Variants in MTFR1L observed in about 807,000 individuals in gnomAD.
MTFR1L encodes the protein mitochondrial fission regulator 1-like.
MTFR1L carries 10 observed loss-of-function variants against 27.9 expected under a neutral mutation model. That is an observed-to-expected ratio of 0.36 (90% CI 0.22 to 0.61). The LOEUF is 0.61. MTFR1L is among the 20% of genes least tolerant of loss of function. The pLI, the probability that MTFR1L is intolerant of heterozygous loss-of-function variation, is 0.73. For missense variants in MTFR1L, 315 were observed against 363.7 expected (o/e 0.87, Z 1.09); for synonymous variants, 151 against 139.4 (o/e 1.08, Z -0.58).
intron 3 of MTFR1L, among the ~76,000 whole-genome samples, chr1:25,824,401 A>G (rs2048141185): frequency 1.3e-5 from 2 of 152,194 alleles, no homozygotes; most frequent in South Asian, 4.1e-4. Context: ...TCTAGGAACT[A>G]AATGGTTAAG....
intron 5 of MTFR1L, among the ~76,000 whole-genome samples, 180 bp downstream of exon 5, chr1:25,827,006 T>C (rs898848060): frequency 1.3e-5 from 2 of 152,200 alleles, no homozygotes; most frequent in African/African-American, 4.8e-5. Context: ...CTACCAGCCA[T>C]TTTGGGCTGA....
intron 5 of MTFR1L, among the ~76,000 whole-genome samples, chr1:25,827,915 T>C (rs867810579): frequency 6.6e-6 from 1 of 150,580 alleles, no homozygotes; most frequent in Non-Finnish European, 1.5e-5. Flanking sequence ...TTAGTAGAGA[T>C]AGGGTTTCGC....
intron 1 of MTFR1L, chr1:25,820,887 C>G (rs767203068): frequency 7.4e-5 from 27 of 366,046 alleles, no homozygotes; most frequent in Non-Finnish European, 1.2e-4. Context: ...GCGGAGCGCA[C>G]AGGAAAGGAC....
chr1:25,820,640 G>A (rs778253621), intron 1 of MTFR1L: 2 of 415,026 alleles, frequency 4.8e-6, no homozygotes, highest in South Asian at 3.4e-5. Flanking sequence ...GCAGCCTCCG[G>A]AGGGCTGCGG....
intron 6 of MTFR1L, among the ~76,000 whole-genome samples, chr1:25,831,322 G>A (rs2048237177): frequency 6.6e-6 from 1 of 152,150 alleles, no homozygotes; most frequent in Non-Finnish European, 1.5e-5. Flanking sequence ...CCTCTTATAT[G>A]ATGTATCAGA....
chr1:25,823,678 C>T lies in MTFR1L; in HGVS notation c.59C>T (p.Ala20Val). The T allele has an allele frequency of 6.2e-7, 1 of 1,614,040 alleles. No homozygotes were observed. Among genetic ancestry groups the T allele is most frequent in the East Asian group, 2.2e-5 (1 of 44,866 alleles). Residue 20 changes from alanine (A) to valine (V), a missense_variant, in exon 3 of 7, where the codon GCT (alanine) becomes GTT (valine). Ala to Val is a moderately conservative substitution (Grantham distance 64, BLOSUM62 0). Transcript: ENST00000374303. ...IPIWQNKPHG[A>V]ARSVVRRIGT... ...ATCTGGCAAAACAAGCCACATGGGG[C>T]TGCTCGAAGTGTAGTAAGAAGAATT...
rs551001632 is a variant in MTFR1L at position 25,831,731 on chromosome 1, G to C, written c.774-190G>C. On this transcript the variant is annotated intron_variant, in intron 6 of 6. Transcript: ENST00000374303. ...TGAACTCTGGATTCACCGCTTACTT[G>C]CTGAGTGACTAGTGACCTTGGGCAA... Among the ~76,000 whole-genome samples, 4 of 152,362 alleles carry C rather than the reference G, an allele frequency of 2.6e-5. No homozygotes were observed. In the South Asian group the frequency reaches 6.2e-4, roughly 24 times the overall value.
In MTFR1L at chr1:25,823,864, A is replaced by G. The variant is rs143301802; in HGVS notation, c.129+116A>G. ...CCTGGTCACTTTTCATTCTGTTATG[A>G]AATATTTGTTAAATGCTTATAAGAT... On this transcript the variant is annotated intron_variant, in intron 3 of 6. Transcript: ENST00000374303. 2.4e-3 allele frequency: 3,050 copies of G among 1,289,238 alleles called. 35 individuals are homozygous for G. Among genetic ancestry groups the G allele is most frequent in the African/African-American group, 0.023 (1,560 of 66,432 alleles). 79.9% of individuals were successfully genotyped at this position (1,289,238 alleles called of 1,614,324 possible).
Position 25,828,428 on chromosome 1 carries a change from C to A in MTFR1L, c.452-1081C>A, listed in dbSNP as rs142700259. The stretch of plus-strand genomic sequence containing the variant: ...TGAAACCCTGTCTCTATAAAAAATA[C>A]AAAAATTAGCTGGGCATCGCAGCAT... On this transcript the variant is annotated intron_variant, in intron 5 of 6. Coordinates refer to ENST00000374303, the MANE Select transcript of MTFR1L (RefSeq NM_001099625.2). 5.6e-4 allele frequency among the ~76,000 whole-genome samples: 85 copies of A among 152,168 alleles called. 1 individual carries two copies. The East Asian group carries it at 0.016, about 28-fold the overall frequency.
At chr1:25,827,206 T>C (rs1028385193) in intron 5 of MTFR1L, among the ~76,000 whole-genome samples, 2 of 151,986 alleles carry the variant, frequency 1.3e-5, no homozygotes, top group African/African-American at 2.4e-5. Flanking sequence ...GGCACGATCT[T>C]AGTTCACTGC....
At chr1:25,821,195 A>G (rs1032818293) in intron 1 of MTFR1L, among the ~76,000 whole-genome samples, 1 of 152,166 alleles carries the variant, frequency 6.6e-6, no homozygotes, top group Non-Finnish European at 1.5e-5. Context: ...TAAACGGATG[A>G]GCGATGTGAT....
intron 2 of MTFR1L, 90 bp from the exon 3 acceptor site, chr1:25,823,554 T>C (rs2048127685): frequency 6.5e-7 from 1 of 1,540,068 alleles, no homozygotes; most frequent in African/African-American, 1.4e-5. Flanking sequence ...TTTGTGGAAT[T>C]CAGTCTCCAC....
intron 1 of MTFR1L, chr1:25,820,702 C>A (rs966771390): frequency 2.1e-5 from 9 of 434,070 alleles, no homozygotes; most frequent in South Asian, 3.2e-5. Flanking sequence ...GGGGGAAGAT[C>A]TTCTAGCCAG....
At position 25,826,692 on chromosome 1, in the gene MTFR1L, A is replaced by G; in HGVS notation, c.317A>G (p.Asn106Ser). The stretch of plus-strand genomic sequence containing the variant: ...ATGCAGCGCAATGCCTCTGTTCCCA[A>G]CCTGCGTGGGTCCGAGGAGAGGCTT... ...IVMQRNASVP[N>S]LRGSEERLLA... Residue 106 changes from asparagine to serine, a missense_variant, in exon 5 of 7, where the codon AAC becomes AGC. Asn to Ser is a conservative substitution (Grantham distance 46, BLOSUM62 1). Transcript: ENST00000374303. The surrounding 1 kb of genome is among the most constrained non-coding windows in gnomAD (Gnocchi z 4.1). 5 of 1,614,058 alleles carry G rather than the reference A, an allele frequency of 3.1e-6. No homozygotes were observed. The highest frequency in any genetic ancestry group is 1.3e-5 in the African/African-American group (1 of 75,010).
chr1:25,823,971 C>G (rs531152460), intron 3 of MTFR1L, among the ~76,000 whole-genome samples: 1 of 152,352 alleles, frequency 6.6e-6, no homozygotes, highest in African/African-American at 2.4e-5. Context: ...GGGACACTGA[C>G]TATTGTGATT....
At position 25,823,735 on chromosome 1, in the gene MTFR1L, G is replaced by C; in HGVS notation, c.116G>C (p.Arg39Pro). 6 of 1,613,938 alleles carry C rather than the reference G, an allele frequency of 3.7e-6. No homozygotes were observed. Among genetic ancestry groups the C allele is most frequent in the Non-Finnish European group, 5.1e-6 (6 of 1,179,920 alleles). Residue 39 changes from arginine (R) to proline (P), a missense_variant, in exon 3 of 7, where the codon CGG (arginine) becomes CCG (proline). Coordinates refer to ENST00000374303, the MANE Select transcript of MTFR1L (RefSeq NM_001099625.2). ...GTNLPLKPCA[R>P]ASFETLPNIS... ...AACCTACCCTTGAAGCCGTGTGCCC[G>C]GGCGTCCTTTGAGGTGAGTATGTTG...
In MTFR1L at chr1:25,827,819, G is replaced by A. The variant is rs963442568; in HGVS notation, c.451+993G>A. ...TGGCTCACTGCAACCTCCACCTCCT[G>A]GGTTCAAGCAGTTCTCGTGCCTCTG... On this transcript the variant is annotated intron_variant, in intron 5 of 6. Transcript: ENST00000374303. 2.0e-5 allele frequency among the ~76,000 whole-genome samples: 3 copies of A among 151,898 alleles called. No individual in the cohort carries two copies. The East Asian group carries it at 5.8e-4, about 29-fold the overall frequency.
intron 1 of MTFR1L, chr1:25,821,074 C>T (rs1305498751): frequency 3.8e-6 from 1 of 265,326 alleles, no homozygotes; most frequent in Non-Finnish European, 7.3e-6. Flanking sequence ...GGGCTGGCTG[C>T]GAAGCGTGCA....
Position 25,826,636 on chromosome 1 carries a change from G to A in MTFR1L, c.261G>A (p.Arg87=), listed in dbSNP as rs1298991456. 1.2e-6 allele frequency: 2 copies of A among 1,614,134 alleles called. No homozygotes were observed. Among genetic ancestry groups the A allele is most frequent in the Admixed American group, 3.3e-5 (2 of 60,022 alleles). The part of the protein sequence containing the change: ...ARVRSDTRPL[R]HTWKPSPLIV... ...CCAGGAGTGATACGCGCCCCCTGAGGCACACCTGGAAACCCAGCCCTCTGA... is the reference window on the plus strand; with the variant it reads ...CCAGGAGTGATACGCGCCCCCTGAGACACACCTGGAAACCCAGCCCTCTGA... Residue 87 remains arginine, a synonymous_variant, in exon 5 of 7, where the codon AGG becomes AGA. Coordinates refer to ENST00000374303, the MANE Select transcript of MTFR1L (RefSeq NM_001099625.2). This position sits in a 1 kb window ranked among gnomAD's most constrained non-coding sequence, Gnocchi z 4.1.
Sources: gnomAD v4.1 joint callset for allele counts (sites outside exome capture counted in the v4.1 genomes callset) on GRCh38, gnomAD v4.1.1 for gene constraint, Gnocchi (gnomAD v3.1) non-coding constraint, MANE v1.5 for transcripts, NCBI Gene and HGNC (gene_info 2026-07-23, HGNC 2026-07-21) for gene names.